Variants in SHC2 observed in about 807,000 individuals in gnomAD.
SHC2 encodes the protein SHC adaptor protein 2.
A neutral mutation model predicts 60.6 loss-of-function variants in SHC2; 62 were observed. The observed-to-expected ratio is 1.02, with a 90% CI of 0.83 to 1.26. The LOEUF (loss-of-function observed/expected upper bound fraction) is 1.26. Among genes scored for constraint, SHC2 ranks in the 50% most tolerant of loss-of-function variants. The pLI is 0.00. For missense variants in SHC2, 873 were observed against 822.2 expected, an observed-to-expected ratio of 1.06 and a Z score of -0.76; for synonymous variants, 375 against 372.4, an observed-to-expected ratio of 1.01 and a Z score of -0.08.
chr19:428,047 T>C (rs1308891982), intron 9 of SHC2, among the ~76,000 whole-genome samples: 1 of 152,176 alleles, frequency 6.6e-6, no homozygotes, highest in East Asian at 1.9e-4. Flanking sequence ...TGGGAAACAG[T>C]GAGACCTCAC....
In SHC2 at chr19:444,666, G is replaced by A. The variant is rs115789537; in HGVS notation, c.469-3734C>T. On this transcript the variant is annotated intron_variant, in intron 1 of 12. Transcript: ENST00000264554. ...GCCAGGTAAACACACGAGGTAGGAT[G>A]CAATGCAGTAACGATACCGACACCT... Among the ~76,000 whole-genome samples the A allele has an allele frequency of 9.2e-3, 1,404 of 152,348 alleles. 25 individuals are homozygous for A. The highest frequency in any genetic ancestry group is 0.032 in the African/African-American group (1,319 of 41,572).
intron 1 of SHC2, among the ~76,000 whole-genome samples, chr19:455,675 G>T (rs192330534): frequency 6.6e-6 from 1 of 152,188 alleles, no homozygotes; most frequent in Non-Finnish European, 1.5e-5. Context: ...GAGCTAATCC[G>T]CTTATGTCTA....
chr19:419,847 T>G (rs1974228897), intron 11 of SHC2: 1 of 152,196 alleles, frequency 6.6e-6, no homozygotes, highest in African/African-American at 2.4e-5. Flanking sequence ...AGACCCTGTG[T>G]CCCACGGCTG....
chr19:445,773 C>CAA lies in SHC2; in HGVS notation c.469-4842_469-4841insTT, dbSNP rs1975037839. 2.0e-5 allele frequency among the ~76,000 whole-genome samples: 3 copies of CAA among 152,206 alleles called. No homozygotes were observed. In the South Asian group the frequency reaches 6.2e-4, roughly 32 times the overall value. On this transcript the variant is annotated intron_variant, in intron 1 of 12. Coordinates refer to ENST00000264554, the MANE Select transcript of SHC2 (RefSeq NM_012435.3). This position sits in a 1 kb window ranked among gnomAD's most constrained non-coding sequence, Gnocchi z 4.4. ...TTTTTGCCGGGCGCGGTGGCTCACG[C>CAA]CTGTAATCCCAGCACTTTGGGAGGC...
intron 1 of SHC2, among the ~76,000 whole-genome samples, chr19:454,598 C>T (rs1975287524): frequency 6.6e-6 from 1 of 152,162 alleles, no homozygotes; most frequent in Non-Finnish European, 1.5e-5. Context: ...ACCAGCCTGG[C>T]CAACAGGGTG....
chr19:439,877 C>G (rs1168902959), intron 2 of SHC2, among the ~76,000 whole-genome samples: 5 of 151,760 alleles, frequency 3.3e-5, no homozygotes, highest in African/African-American at 1.2e-4. Flanking sequence ...AACATAAAAA[C>G]TAGCTGGGTG....
chr19:435,785 G>A (rs1046280967), intron 7 of SHC2: 9 of 202,782 alleles, frequency 4.4e-5, no homozygotes, highest in Non-Finnish European at 9.1e-5. Flanking sequence ...TATAAAAAAC[G>A]TGTTACCAGC....
At chr19:430,510 G>T (rs1032130019) in intron 9 of SHC2, among the ~76,000 whole-genome samples, 174 bp downstream of exon 9, 2 of 152,208 alleles carry the variant, frequency 1.3e-5, no homozygotes, top group East Asian at 1.9e-4. Flanking sequence ...AGTGTGTGCA[G>T]GAAAAACAGA....
At chr19:450,292 C>T (rs973012814) in intron 1 of SHC2, among the ~76,000 whole-genome samples, 2 of 152,226 alleles carry the variant, frequency 1.3e-5, no homozygotes, top group African/African-American at 2.4e-5. Context: ...CTCCACGTGG[C>T]CCATGACGCA....
chr19:454,796 A>C (rs1265262020), intron 1 of SHC2, among the ~76,000 whole-genome samples: 8 of 152,014 alleles, frequency 5.3e-5, no homozygotes, highest in Non-Finnish European at 1.2e-4. Flanking sequence ...GTCTCAAAAA[A>C]AAAAAAAGAC....
rs2145740875 is a variant in SHC2, at chr19:446,830, G to A, written c.469-5898C>T. ...TAAACCGAAGCCCAGAGAGGGGATG[G>A]CACCTGGCCGGCCTCACGCACGCAG... On this transcript the variant is annotated intron_variant, in intron 1 of 12. Coordinates refer to ENST00000264554, the MANE Select transcript of SHC2 (RefSeq NM_012435.3). This position sits in a 1 kb window ranked among gnomAD's most constrained non-coding sequence, Gnocchi z 5.4. Among the ~76,000 whole-genome samples the A allele has an allele frequency of 6.6e-6, 1 of 152,250 alleles. No homozygotes were observed. Among genetic ancestry groups the A allele is most frequent in the East Asian group, 1.9e-4 (1 of 5,168 alleles).
At position 441,950 on chromosome 19, in the gene SHC2, C is replaced by T. The variant is rs927177396; in HGVS notation, c.469-1018G>A. 2.6e-5 allele frequency among the ~76,000 whole-genome samples: 4 copies of T among 152,236 alleles called. No individual in the cohort carries two copies. Among genetic ancestry groups the T allele is most frequent in the African/African-American group, 7.2e-5 (3 of 41,456 alleles). On this transcript the variant is annotated intron_variant, in intron 1 of 12. Transcript: ENST00000264554. This position sits in a 1 kb window ranked among gnomAD's most constrained non-coding sequence, Gnocchi z 4.9. ...AGGTGTGTACAGGTCACTGTGTGGGCCGGCCCAGGCTCTGCCCCTCTCCAC... is the reference window on the plus strand; with the variant it reads ...AGGTGTGTACAGGTCACTGTGTGGGTCGGCCCAGGCTCTGCCCCTCTCCAC...
In SHC2 at chr19:425,092, C is replaced by T; in HGVS notation, c.1309+5G>A. On this transcript the variant is annotated splice_donor_5th_base_variant and intron_variant, in intron 10 of 12. Coordinates refer to ENST00000264554, the MANE Select transcript of SHC2 (RefSeq NM_012435.3). The surrounding 1 kb of genome is among the most constrained non-coding windows in gnomAD (Gnocchi z 4.1). ...ATGACGGCCGCCCCCCAGGCTGCCACATACGCATGTCAAACAGATCCTTTT... is the reference window on the plus strand; with the variant it reads ...ATGACGGCCGCCCCCCAGGCTGCCATATACGCATGTCAAACAGATCCTTTT... 7.2e-7 allele frequency: 1 copy of T among 1,393,230 alleles called. No homozygotes were observed. The allele number at this position is 1,393,230 out of a possible 1,614,324, so 86.3% of individuals were successfully genotyped here.
intron 7 of SHC2, among the ~76,000 whole-genome samples, chr19:435,364 C>T (rs1974691674): frequency 6.6e-6 from 1 of 152,220 alleles, no homozygotes; most frequent in Non-Finnish European, 1.5e-5. Flanking sequence ...ATGAAGCAGC[C>T]TACGGAAGGC....
At position 460,855 on chromosome 19, in the gene SHC2, G is replaced by T; in HGVS notation, c.142C>A (p.Pro48Thr). The T allele has an allele frequency of 2.1e-5, 21 of 985,556 alleles. No individual in the cohort carries two copies. The highest frequency in any genetic ancestry group is 2.4e-5 in the Non-Finnish European group (20 of 831,906). 61.1% of individuals were successfully genotyped at this position (985,556 alleles called of 1,614,324 possible). Residue 48 changes from proline to threonine, a missense_variant, in exon 1 of 13, where the codon CCG (proline) becomes ACG (threonine). Pro to Thr is a conservative substitution (Grantham distance 38). Transcript: ENST00000264554. ...GCCCCAGCCGCCCGCGCCGCCGCCG[G>T]GCCGCGGCCCAGGAAGCCGCCCGGG... Reference protein sequence around the residue: ...AAPGGFLGRGPAAARAAGASG... With the variant: ...AAPGGFLGRGTAAARAAGASG...
intron 4 of SHC2, among the ~76,000 whole-genome samples, chr19:437,256 TTGCGTGCTCGTC>T (rs952706253): frequency 1.1e-4 from 17 of 151,250 alleles, no homozygotes; most frequent in African/African-American, 2.9e-4. Context: ...GCGTGCTCGT[TTGCGTGCTCGTC>T]TGCGTGCTCG....
intron 11 of SHC2, among the ~76,000 whole-genome samples, chr19:420,755 G>A (rs8112380): frequency 0.61 from 92,794 of 152,010 alleles, 28,630 homozygotes; most frequent in East Asian, 0.74. Context: ...GTATATCTTA[G>A]AACTGAAGCA....
chr19:429,192 G>C (rs1280200858), intron 9 of SHC2, among the ~76,000 whole-genome samples: 1 of 147,546 alleles, frequency 6.8e-6, no homozygotes, highest in Admixed American at 6.9e-5. Flanking sequence ...GGATGACGCA[G>C]TACCTATATC....
intron 10 of SHC2, among the ~76,000 whole-genome samples, chr19:423,721 G>T (rs1374837328): frequency 6.6e-6 from 1 of 152,222 alleles, no homozygotes; most frequent in East Asian, 1.9e-4. Context: ...CTCCTAGCCT[G>T]GCCAGTCAGC....
Sources: gnomAD v4.1 joint callset for allele counts (sites outside exome capture counted in the v4.1 genomes callset) on GRCh38, gnomAD v4.1.1 for gene constraint, Gnocchi (gnomAD v3.1) non-coding constraint, MANE v1.5 for transcripts, NCBI Gene and HGNC (gene_info 2026-07-23, HGNC 2026-07-21) for gene names.